CC2D2B: variants seen among roughly 807,000 people sequenced by gnomAD.
CC2D2B encodes the protein coiled-coil and C2 domain containing 2B.
A neutral mutation model predicts 161.2 loss-of-function variants in CC2D2B; 128 were observed. That is an observed-to-expected ratio of 0.79 (90% CI 0.69 to 0.92). The LOEUF is 0.92. Ranked by LOEUF, CC2D2B falls within the 40% of genes least tolerant of loss-of-function variation. The pLI, the probability that CC2D2B is intolerant of heterozygous loss-of-function variation, is 0.00. For missense variants in CC2D2B, 1,173 were observed against 1,375.1 expected, an observed-to-expected ratio of 0.85 and a Z score of 2.32; for synonymous variants, 391 against 449.8, an observed-to-expected ratio of 0.87 and a Z score of 1.65.
At chr10:96,019,422 A>C (rs945591640) in intron 31 of CC2D2B, 85 bp downstream of exon 31, 1 of 1,293,998 alleles carries the variant, frequency 7.7e-7, no homozygotes, top group Non-Finnish European at 1.1e-6. Context: ...GGAACTTTAA[A>C]TATAGATAGT....
intron 15 of CC2D2B, among the ~76,000 whole-genome samples, chr10:95,971,460 C>T (rs2077130352): frequency 6.7e-6 from 1 of 149,990 alleles, no homozygotes; most frequent in Admixed American, 6.6e-5. Context: ...TAGTAAAAAA[C>T]ACACCATATA....
At chr10:96,007,780 A>C (rs2078815874) in intron 25 of CC2D2B, among the ~76,000 whole-genome samples, 1 of 152,094 alleles carries the variant, frequency 6.6e-6, no homozygotes. Flanking sequence ...GAAATGAAAA[A>C]TATAAGTGGC....
intron 9 of CC2D2B, among the ~76,000 whole-genome samples, chr10:95,947,137 A>C (rs2076247737): frequency 9.8e-6 from 1 of 101,756 alleles, no homozygotes; most frequent in Non-Finnish European, 2.1e-5. Context: ...TTTTGAGACA[A>C]AGTATTGCTC....
At chr10:95,947,342 A>C (rs1244708010) in intron 9 of CC2D2B, among the ~76,000 whole-genome samples, 1 of 150,802 alleles carries the variant, frequency 6.6e-6, no homozygotes, top group South Asian at 2.1e-4. Flanking sequence ...CGAACTCTTG[A>C]CCTCAGGTGG....
At chr10:95,976,262 C>T (rs1401534442) in intron 17 of CC2D2B, among the ~76,000 whole-genome samples, 1 of 152,174 alleles carries the variant, frequency 6.6e-6, no homozygotes, top group Non-Finnish European at 1.5e-5. Flanking sequence ...CCACTTTCTG[C>T]TCACCCATTC....
rs1312385868 is a variant in CC2D2B at position 95,965,980 on chromosome 10, G to A, written c.1335G>A (p.Lys445=). 1 of 1,203,564 alleles carries A rather than the reference G, an allele frequency of 8.3e-7. No homozygotes were observed. The highest frequency in any genetic ancestry group is 1.0e-6 in the Non-Finnish European group (1 of 962,350). The allele number at this position is 1,203,564 out of a possible 1,614,324, so 74.6% of individuals were successfully genotyped here. A position where few individuals can be genotyped will look rare whatever the true frequency, so the allele number is the denominator to read the frequency against. ...TEKKNEGKEL[K]NGKKLESLSY... ...AGAAAAATGAAGGAAAAGAACTTAA[G>A]AATGGGAAAAAACTGGAGGTATTTA... The change falls in exon 13 of 35, where the codon AAG becomes AAA. Residue 445 remains lysine (K), a synonymous_variant. Transcript: ENST00000646931.
At chr10:95,917,920 C>T (rs1039545365) in intron 2 of CC2D2B, among the ~76,000 whole-genome samples, 4 of 151,964 alleles carry the variant, frequency 2.6e-5, no homozygotes, top group Admixed American at 6.6e-5. Flanking sequence ...GGGTTACAGA[C>T]GCACACCACC....
At chr10:95,973,914 C>G in intron 16 of CC2D2B, 95 bp from the exon 17 acceptor site, 1 of 549,036 alleles carries the variant, frequency 1.8e-6, no homozygotes. Flanking sequence ...CTTTGTGTTC[C>G]TAGAGTTCCA....
intron 6 of CC2D2B, 65 bp from the exon 7 acceptor site, chr10:95,937,926 T>C: frequency 2.1e-6 from 2 of 970,850 alleles, no homozygotes; most frequent in Non-Finnish European, 3.2e-6. Context: ...GTACATTTCA[T>C]TTATTTGCAT....
At chr10:95,933,561 G>A (rs1161160645) in intron 6 of CC2D2B, among the ~76,000 whole-genome samples, 2 of 152,036 alleles carry the variant, frequency 1.3e-5, no homozygotes, top group East Asian at 3.9e-4. Flanking sequence ...CTTTGGATGG[G>A]GTTTCTGTGT....
intron 6 of CC2D2B, among the ~76,000 whole-genome samples, chr10:95,931,836 G>C (rs1430603482): frequency 6.6e-6 from 1 of 152,220 alleles, no homozygotes; most frequent in African/African-American, 2.4e-5. Context: ...ATGTGGTGCT[G>C]AGAAGAATGT....
intron 9 of CC2D2B, among the ~76,000 whole-genome samples, chr10:95,939,799 G>T (rs191427001): frequency 2.2e-4 from 33 of 152,166 alleles, no homozygotes; most frequent in African/African-American, 7.2e-4. Context: ...TGAAAGCTTG[G>T]TTAAGACTTT....
chr10:95,940,036 G>A (rs895511756), intron 9 of CC2D2B, among the ~76,000 whole-genome samples: 2 of 152,158 alleles, frequency 1.3e-5, no homozygotes, highest in Non-Finnish European at 2.9e-5. Context: ...GCTGGCATCT[G>A]CTTGGCTTCT....
chr10:96,011,752 TAC>T (rs369797565), intron 26 of CC2D2B, among the ~76,000 whole-genome samples: 58,819 of 147,726 alleles, frequency 0.4, 11,645 homozygotes, highest in Middle Eastern at 0.51. Context: ...CACACACACA[TAC>T]ACACACACAC....
At chr10:95,922,485 T>C (rs940857126) in intron 3 of CC2D2B, among the ~76,000 whole-genome samples, 2 of 152,230 alleles carry the variant, frequency 1.3e-5, no homozygotes, top group Non-Finnish European at 2.9e-5. Flanking sequence ...GTTATGGGAA[T>C]AGAGTATAAA....
chr10:95,942,501 C>A (rs1053733351), intron 9 of CC2D2B, among the ~76,000 whole-genome samples: 4 of 152,076 alleles, frequency 2.6e-5, no homozygotes, highest in East Asian at 1.9e-4. Flanking sequence ...CCAATGAGTT[C>A]TTTCCCTTTA....
chr10:95,924,609 A>C (rs1010122110), intron 4 of CC2D2B, among the ~76,000 whole-genome samples, 170 bp from the exon 5 acceptor site: 1 of 152,190 alleles, frequency 6.6e-6, no homozygotes, highest in Admixed American at 6.5e-5. Flanking sequence ...TGATTTGGTC[A>C]TAGTAATTAT....
At chr10:95,939,450 T>G (rs1237122219) in intron 9 of CC2D2B, among the ~76,000 whole-genome samples, 1 of 150,702 alleles carries the variant, frequency 6.6e-6, no homozygotes, top group Admixed American at 6.7e-5. Flanking sequence ...CCATGAAAAT[T>G]TGCACATCTT....
intron 16 of CC2D2B, 61 bp downstream of exon 16, chr10:95,972,277 T>A (rs1023763537): frequency 1.8e-5 from 19 of 1,067,232 alleles, no homozygotes; most frequent in African/African-American, 3.3e-5. Context: ...TATTCCTAAG[T>A]GACCCTGGCT....
Sources: allele counts gnomAD v4.1 joint callset (sites outside exome capture counted in the v4.1 genomes callset), GRCh38; gene constraint gnomAD v4.1.1; transcripts MANE v1.5; gene names NCBI Gene and HGNC (gene_info 2026-07-23, HGNC 2026-07-21).